PACRG: variants seen among roughly 807,000 people sequenced by gnomAD.
PACRG encodes parkin coregulated, also known as parkin coregulated gene protein.
In PACRG, 29 loss-of-function variants were observed where a neutral mutation model predicts 29.7. The ratio of observed to expected loss-of-function variants is 0.98; its 90% confidence interval spans 0.73 to 1.33. PACRG has a LOEUF of 1.33. Ranked by LOEUF, PACRG falls within the 40% of genes most tolerant of loss-of-function variation. The pLI, the probability that PACRG is intolerant of heterozygous loss-of-function variation, is 0.00. For missense variants in PACRG, 279 were observed against 316.2 expected (o/e 0.88, Z 0.89); for synonymous variants, 116 against 118.7 (o/e 0.98, Z 0.15).
chr6:163,197,721 T>C (rs973496644), intron 4 of PACRG, among the ~76,000 whole-genome samples: 3 of 152,138 alleles, frequency 2.0e-5, no homozygotes, highest in African/African-American at 7.2e-5. Context: ...AGTTTTGGGC[T>C]TACAGGCCTG....
Position 162,747,379 on chromosome 6 carries a change from T to C in PACRG, c.156+18988T>C, listed in dbSNP as rs1270048211. On this transcript the variant is annotated intron_variant, in intron 1 of 4. Coordinates refer to ENST00000366888, the MANE Select transcript of PACRG (RefSeq NM_001080379.2). ...ATATATATATACACATACATATATA[T>C]GTATATATATGTATATATATATGTA... Among the ~76,000 whole-genome samples the C allele has an allele frequency of 1.5e-4, 10 of 67,496 alleles. 1 individual carries two copies. Among genetic ancestry groups the C allele is most frequent in the South Asian group, 9.8e-4 (1 of 1,020 alleles). The allele number at this position is 67,496 out of a possible 152,430, so 44.3% of individuals were successfully genotyped here. A position where few individuals can be genotyped will look rare whatever the true frequency, so the allele number is the denominator to read the frequency against.
At chr6:163,090,922 C>T (rs1425874284) in intron 4 of PACRG, among the ~76,000 whole-genome samples, 1 of 152,200 alleles carries the variant, frequency 6.6e-6, no homozygotes, top group African/African-American at 2.4e-5. Context: ...ACCTATGATG[C>T]ATGTACTATT....
chr6:162,790,625 T>A lies in PACRG; in HGVS notation c.157-23522T>A, dbSNP rs564104023. ...AATCACCCGTACTGCCCTTTACACA[T>A]CTTACTGTATATATCCCTTTTCCCA... On this transcript the variant is annotated intron_variant, in intron 1 of 4. Transcript: ENST00000366888. 9.9e-5 allele frequency among the ~76,000 whole-genome samples: 15 copies of A among 152,142 alleles called. No homozygotes were observed. In the East Asian group the frequency reaches 2.9e-3, roughly 29 times the overall value.
chr6:162,974,876 C>T (rs1273545758), intron 2 of PACRG, among the ~76,000 whole-genome samples: 1 of 152,110 alleles, frequency 6.6e-6, no homozygotes, highest in Admixed American at 6.6e-5. Context: ...TCTCCAAATC[C>T]GTGGTCTGAG....
At chr6:162,840,004 G>A (rs1789612891) in intron 2 of PACRG, among the ~76,000 whole-genome samples, 1 of 127,196 alleles carries the variant, frequency 7.9e-6, no homozygotes, top group Non-Finnish European at 1.6e-5. Context: ...TAGCCTTGTA[G>A]TATAGTTTGA....
rs115268172 is a variant in PACRG, at chr6:163,306,228, G to A, written c.614-8599G>A. Among the ~76,000 whole-genome samples, 458 of 152,284 alleles carry A rather than the reference G, an allele frequency of 3.0e-3. 1 individual carries two copies. Among genetic ancestry groups the A allele is most frequent in the African/African-American group, 0.01 (425 of 41,574 alleles). Reference sequence around the variant, plus strand: ...TTACTCCACCATGAGATAAGACAGCGAGAAATAGATTTAACACAGACAGCT... The same window carrying A: ...TTACTCCACCATGAGATAAGACAGCAAGAAATAGATTTAACACAGACAGCT... On this transcript the variant is annotated intron_variant, in intron 4 of 4. Coordinates refer to ENST00000366888, the MANE Select transcript of PACRG (RefSeq NM_001080379.2).
At chr6:163,168,179 A>T (rs1217764395) in intron 4 of PACRG, among the ~76,000 whole-genome samples, 1 of 152,216 alleles carries the variant, frequency 6.6e-6, no homozygotes, top group Non-Finnish European at 1.5e-5. Context: ...TCCAATAAAC[A>T]TTTATTAAAG....
At chr6:162,750,539 A>G (rs1327755885) in intron 1 of PACRG, among the ~76,000 whole-genome samples, 1 of 152,182 alleles carries the variant, frequency 6.6e-6, no homozygotes, top group Admixed American at 6.5e-5. Flanking sequence ...ATTTGTAATT[A>G]TATTTTCCAT....
At chr6:162,832,210 T>A (rs1199685069) in intron 2 of PACRG, among the ~76,000 whole-genome samples, 5 of 152,208 alleles carry the variant, frequency 3.3e-5, no homozygotes, top group African/African-American at 7.2e-5. Flanking sequence ...CTGACTTGTG[T>A]GAGATGATAT....
At chr6:163,268,017 A>T (rs1386126148) in intron 4 of PACRG, among the ~76,000 whole-genome samples, 1 of 152,254 alleles carries the variant, frequency 6.6e-6, no homozygotes, top group Non-Finnish European at 1.5e-5. Context: ...TAGAAAGAAA[A>T]ATTTAGCTAG....
intron 4 of PACRG, among the ~76,000 whole-genome samples, chr6:163,284,980 G>A (rs1784346572): frequency 6.6e-6 from 1 of 152,198 alleles, no homozygotes; most frequent in Admixed American, 6.5e-5. Flanking sequence ...GCCTGGGGCA[G>A]TGCAGTAGCC....
At chr6:162,980,903 C>T (rs1252038426) in intron 2 of PACRG, among the ~76,000 whole-genome samples, 2 of 151,838 alleles carry the variant, frequency 1.3e-5, no homozygotes, top group Admixed American at 6.6e-5. Flanking sequence ...TTTTTTATTT[C>T]AATAATTTTT....
At chr6:163,157,097 G>A (rs1778356117) in intron 4 of PACRG, among the ~76,000 whole-genome samples, 1 of 152,178 alleles carries the variant, frequency 6.6e-6, no homozygotes, top group Non-Finnish European at 1.5e-5. Context: ...ACAGTGGAGT[G>A]GTCTTCCTAA....
intron 2 of PACRG, among the ~76,000 whole-genome samples, chr6:162,909,866 G>A (rs1796190443): frequency 1.3e-5 from 2 of 152,174 alleles, no homozygotes; most frequent in South Asian, 2.1e-4. Flanking sequence ...GATGAATGAA[G>A]GAAGGAATGC....
chr6:162,927,448 T>C (rs187374869), intron 2 of PACRG, among the ~76,000 whole-genome samples: 106 of 152,228 alleles, frequency 7.0e-4, no homozygotes, highest in Admixed American at 1.8e-3. Context: ...GTGGTACATA[T>C]ACACCATGGA....
At chr6:163,040,786 C>T (rs1808622156) in intron 2 of PACRG, among the ~76,000 whole-genome samples, 1 of 152,166 alleles carries the variant, frequency 6.6e-6, no homozygotes, top group Non-Finnish European at 1.5e-5. Context: ...AATGCCTGTA[C>T]CCCCATTGTA....
chr6:162,921,742 G>C (rs1797080559), intron 2 of PACRG, among the ~76,000 whole-genome samples: 1 of 152,136 alleles, frequency 6.6e-6, no homozygotes, highest in Non-Finnish European at 1.5e-5. Flanking sequence ...AATTATTACT[G>C]AGACATGTGG....
chr6:162,927,682 A>G (rs1418512498), intron 2 of PACRG, among the ~76,000 whole-genome samples: 1 of 152,034 alleles, frequency 6.6e-6, no homozygotes, highest in Non-Finnish European at 1.5e-5. Context: ...TAGCTAATGC[A>G]TGTGGGGCTT....
chr6:163,019,939 T>C (rs995156378), intron 2 of PACRG, among the ~76,000 whole-genome samples: 1 of 152,204 alleles, frequency 6.6e-6, no homozygotes, highest in Non-Finnish European at 1.5e-5. Flanking sequence ...TTTTCCAAGA[T>C]AAATGAAAGC....
Sources: gnomAD v4.1 joint callset for allele counts (sites outside exome capture counted in the v4.1 genomes callset) on GRCh38, gnomAD v4.1.1 for gene constraint, MANE v1.5 for transcripts, NCBI Gene and HGNC (gene_info 2026-07-23, HGNC 2026-07-21) for gene names.